RAB27B: variants seen among roughly 807,000 people sequenced by gnomAD.
The protein encoded by RAB27B is ras-related protein Rab-27B.
Under a neutral mutation model 24.6 loss-of-function variants are expected in RAB27B, and 15 were observed. The observed-to-expected ratio is 0.61, with a 90% CI of 0.41 to 0.94. The LOEUF is 0.94. RAB27B is among the 40% of genes least tolerant of loss of function. The pLI is 0.00. For synonymous variants in RAB27B, 105 were observed against 92.5 expected (o/e 1.14, Z -0.78); for missense variants, 261 against 266.8 (o/e 0.98, Z 0.15).
At chr18:54,885,355 C>T (rs1913089639) in intron 4 of RAB27B, among the ~76,000 whole-genome samples, 1 of 152,026 alleles carries the variant, frequency 6.6e-6, no homozygotes, top group Admixed American at 6.6e-5. Flanking sequence ...TCCATCTTAC[C>T]CGGAATAAAA....
At chr18:54,728,127 G>T (rs911501164) in intron 2 of RAB27B, among the ~76,000 whole-genome samples, 1 of 152,152 alleles carries the variant, frequency 6.6e-6, no homozygotes, top group Non-Finnish European at 1.5e-5. Context: ...ACAGGCTCCA[G>T]ATCAGTCTAA....
At chr18:54,742,275 T>A (rs1274804210) in intron 2 of RAB27B, among the ~76,000 whole-genome samples, 12 of 152,188 alleles carry the variant, frequency 7.9e-5, no homozygotes, top group Non-Finnish European at 1.8e-4. Flanking sequence ...GCAGTCGTAA[T>A]GGTGGGTGGA....
chr18:54,856,084 C>T lies in RAB27B; in HGVS notation c.-19-21483C>T, dbSNP rs183021676. On this transcript the variant is annotated intron_variant, in intron 1 of 5. Coordinates refer to ENST00000262094, the MANE Select transcript of RAB27B (RefSeq NM_004163.4). ...AAGTGATAATGAACAAGAAGACAGA[C>T]GTCAGCTGGGGAGAAAGGCTATAAA... Among the ~76,000 whole-genome samples the T allele has an allele frequency of 3.7e-3, 563 of 152,252 alleles. 2 individuals are homozygous for T. Among genetic ancestry groups the T allele is most frequent in the Non-Finnish European group, 5.9e-3 (403 of 68,024 alleles).
At chr18:54,884,293 G>T in intron 3 of RAB27B, 40 bp from the exon 4 acceptor site, 1 of 1,221,510 alleles carries the variant, frequency 8.2e-7, no homozygotes. Context: ...AAAGATATGT[G>T]GACTAACTTT....
chr18:54,842,631 A>G (rs1675322929), intron 1 of RAB27B, among the ~76,000 whole-genome samples: 1 of 152,200 alleles, frequency 6.6e-6, no homozygotes, highest in Admixed American at 6.5e-5. Context: ...ACATTGACTA[A>G]AATAAATTTT....
At chr18:54,863,444 G>A (rs1912085404) in intron 1 of RAB27B, among the ~76,000 whole-genome samples, 1 of 152,156 alleles carries the variant, frequency 6.6e-6, no homozygotes, top group Admixed American at 6.5e-5. Context: ...GTGGAGGTAG[G>A]CCTGAATAAT....
chr18:54,849,809 C>A (rs1185043384), intron 1 of RAB27B, among the ~76,000 whole-genome samples: 1 of 152,226 alleles, frequency 6.6e-6, no homozygotes, highest in Middle Eastern at 3.4e-3. Context: ...CTTTTTGAAA[C>A]CATTTACAAA....
At chr18:54,722,633 G>A (rs978350332) in intron 2 of RAB27B, among the ~76,000 whole-genome samples, 4 of 152,164 alleles carry the variant, frequency 2.6e-5, no homozygotes, top group African/African-American at 9.6e-5. Context: ...GGATAAAGAA[G>A]GTAGTTCATT....
chr18:54,788,800 G>A (rs1411435928), intron 2 of RAB27B, among the ~76,000 whole-genome samples: 11 of 149,336 alleles, frequency 7.4e-5, no homozygotes, highest in Admixed American at 6.8e-4. Flanking sequence ...TTTTGTGTAG[G>A]AGCCTCTGCT....
intron 2 of RAB27B, among the ~76,000 whole-genome samples, chr18:54,744,372 C>G: frequency 6.6e-6 from 1 of 152,124 alleles, no homozygotes; most frequent in Non-Finnish European, 1.5e-5. Context: ...GATATTCTAG[C>G]ATTTTGAGGC....
intron 2 of RAB27B, among the ~76,000 whole-genome samples, chr18:54,734,711 T>C (rs1359778775): frequency 6.6e-6 from 1 of 152,190 alleles, no homozygotes; most frequent in Non-Finnish European, 1.5e-5. Flanking sequence ...TTTGATTTTA[T>C]TATTCTTTCC....
At position 54,771,080 on chromosome 18, in the gene RAB27B, A is replaced by C. The variant is rs180788497; in HGVS notation, c.-20+52939A>C. 3.3e-3 allele frequency among the ~76,000 whole-genome samples: 508 copies of C among 152,284 alleles called. 2 individuals carry two copies. The highest frequency in any genetic ancestry group is 6.6e-3 in the Admixed American group (101 of 15,284). ...GAGGATGGAAGATGGATTAGACTGC[A>C]GTAAGATGGGGTGAGCAAGAGAGAC... is the stretch of plus-strand genomic sequence containing the variant. On this transcript the variant is annotated intron_variant, in intron 2 of 4. Coordinates refer to the RAB27B transcript ENST00000586570.
intron 1 of RAB27B, among the ~76,000 whole-genome samples, chr18:54,863,065 G>A (rs976727522): frequency 2.0e-5 from 3 of 152,112 alleles, no homozygotes; most frequent in Non-Finnish European, 4.4e-5. Context: ...GTGTAGTGTT[G>A]TGGCATTGTT....
intron 2 of RAB27B, among the ~76,000 whole-genome samples, chr18:54,738,942 C>A (rs1372590689): frequency 6.6e-6 from 1 of 152,292 alleles, no homozygotes; most frequent in East Asian, 1.9e-4. Flanking sequence ...CCAAATTTCC[C>A]TGATGCTTCT....
chr18:54,739,052 T>A (rs916916367), intron 2 of RAB27B, among the ~76,000 whole-genome samples: 13 of 152,216 alleles, frequency 8.5e-5, no homozygotes, highest in African/African-American at 3.1e-4. Context: ...TCATACAATA[T>A]GTATGCTTTT....
chr18:54,787,815 A>T (rs544183010), intron 2 of RAB27B, among the ~76,000 whole-genome samples: 1 of 152,050 alleles, frequency 6.6e-6, no homozygotes, highest in African/African-American at 2.4e-5. Context: ...CTTTGGCTCC[A>T]TATGTACATG....
At chr18:54,734,111 A>T (rs1188998502) in intron 2 of RAB27B, among the ~76,000 whole-genome samples, 1 of 152,216 alleles carries the variant, frequency 6.6e-6, no homozygotes, top group Admixed American at 6.5e-5. Flanking sequence ...TGTCAGCCAT[A>T]TTCCAGACAA....
chr18:54,855,752 A>C (rs1057296727), intron 1 of RAB27B, among the ~76,000 whole-genome samples: 1 of 152,186 alleles, frequency 6.6e-6, no homozygotes, highest in Admixed American at 6.5e-5. Context: ...GGGTCCCTTA[A>C]TTCTATAGCT....
chr18:54,847,195 T>C (rs146769506), intron 1 of RAB27B, among the ~76,000 whole-genome samples: 800 of 152,316 alleles, frequency 5.3e-3, no homozygotes, highest in Admixed American at 5.7e-3. Context: ...AAGGCACTGA[T>C]GCTATTTTTG....
Sources: gnomAD v4.1 joint callset for allele counts (sites outside exome capture counted in the v4.1 genomes callset) on GRCh38, gnomAD v4.1.1 for gene constraint, MANE v1.5 for transcripts, NCBI Gene and HGNC (gene_info 2026-07-23, HGNC 2026-07-21) for gene names.